Variants in RARB observed in about 807,000 individuals in gnomAD.
RARB encodes HBV-activated protein.
Under a neutral mutation model 51.9 loss-of-function variants are expected in RARB, and 17 were observed. That is an observed-to-expected ratio of 0.33 (90% CI 0.22 to 0.49). The LOEUF (loss-of-function observed/expected upper bound fraction) is 0.49. Ranked by LOEUF, RARB falls within the 20% of genes least tolerant of loss-of-function variation. The pLI is 0.99. For missense variants in RARB, 369 were observed against 550.8 expected, an observed-to-expected ratio of 0.67 and a Z score of 3.30; for synonymous variants, 215 against 195.4, an observed-to-expected ratio of 1.10 and a Z score of -0.84.
At chr3:24,899,218 C>A (rs1703544366) in intron 2 of RARB, among the ~76,000 whole-genome samples, 1 of 152,080 alleles carries the variant, frequency 6.6e-6, no homozygotes, top group Non-Finnish European at 1.5e-5. Flanking sequence ...AAGCATGGAG[C>A]CCTTTGAAGC....
At chr3:24,906,438 T>G (rs902830498) in intron 2 of RARB, among the ~76,000 whole-genome samples, 2 of 152,174 alleles carry the variant, frequency 1.3e-5, no homozygotes, top group Non-Finnish European at 2.9e-5. Context: ...AAGACCAGGA[T>G]AGTTGAGATT....
chr3:24,893,318 C>T (rs9879771), intron 2 of RARB, among the ~76,000 whole-genome samples: 29,361 of 152,124 alleles, frequency 0.19, 3,826 homozygotes, highest in African/African-American at 0.37. Flanking sequence ...ATTAAGTAAA[C>T]ATCTCAAAAT....
chr3:25,374,050 TAA>T (rs957032936), intron 5 of RARB, among the ~76,000 whole-genome samples: 42 of 152,082 alleles, frequency 2.8e-4, no homozygotes, highest in African/African-American at 9.7e-4. Context: ...CACTGACAGA[TAA>T]AGTCATGTTC....
rs5847361 is a variant in RARB at position 25,531,723 on chromosome 3, TAAA to T, written c.448+30416_448+30418del. 5.5e-3 allele frequency among the ~76,000 whole-genome samples: 739 copies of T among 134,510 alleles called. 2 individuals are homozygous for T. Among genetic ancestry groups the T allele is most frequent in the African/African-American group, 0.017 (636 of 38,068 alleles). 88.2% of individuals were successfully genotyped at this position (134,510 alleles called of 152,430 possible). Reference sequence around the variant, plus strand: ...GAACAAGAAAAAGATATAGACACTTTAAAAAAAAAAAAAAAAAAGCAGATACCA... The same window carrying T: ...GAACAAGAAAAAGATATAGACACTTTAAAAAAAAAAAAAAAGCAGATACCA... On this transcript the variant is annotated intron_variant, in intron 3 of 7. Coordinates refer to ENST00000330688, the MANE Select transcript of RARB (RefSeq NM_000965.5).
chr3:24,850,651 C>T, intron 1 of RARB, among the ~76,000 whole-genome samples: 1 of 152,156 alleles, frequency 6.6e-6, no homozygotes, highest in South Asian at 2.1e-4. Context: ...TGCTATTACT[C>T]CTGATGGGGC....
At chr3:25,183,275 C>T (rs751873329) in intron 5 of RARB, among the ~76,000 whole-genome samples, 11 of 152,002 alleles carry the variant, frequency 7.2e-5, no homozygotes, top group Non-Finnish European at 1.0e-4. Context: ...GAAGAAAGGA[C>T]TTTTTTTATT....
intron 5 of RARB, among the ~76,000 whole-genome samples, chr3:25,299,125 G>C (rs1489068436): frequency 6.6e-6 from 1 of 152,072 alleles, no homozygotes; most frequent in Non-Finnish European, 1.5e-5. Flanking sequence ...TATTAGTTTG[G>C]GGGTTTTATA....
chr3:25,496,123 T>C (rs115263887), intron 2 of RARB, among the ~76,000 whole-genome samples: 10,786 of 152,324 alleles, frequency 0.071, 549 homozygotes, highest in Middle Eastern at 0.16. Flanking sequence ...ACGGTTACTA[T>C]GGCTCTGGTT....
At chr3:25,117,838 A>T (rs546419346) in intron 3 of RARB, among the ~76,000 whole-genome samples, 1 of 152,314 alleles carries the variant, frequency 6.6e-6, no homozygotes, top group Non-Finnish European at 1.5e-5. Flanking sequence ...TGTCCAAAAA[A>T]TCTTACTAAA....
intron 5 of RARB, among the ~76,000 whole-genome samples, chr3:25,383,092 A>G (rs1182644306): frequency 6.6e-6 from 1 of 152,224 alleles, no homozygotes; most frequent in African/African-American, 2.4e-5. Context: ...CTATGCAAGT[A>G]CAAATTCCTG....
At chr3:25,015,902 A>G (rs982662574) in intron 2 of RARB, among the ~76,000 whole-genome samples, 8 of 152,084 alleles carry the variant, frequency 5.3e-5, no homozygotes. Flanking sequence ...TATCATGTTG[A>G]CCCCTCCTAC....
chr3:25,411,448 A>T (rs1021543378), intron 5 of RARB, among the ~76,000 whole-genome samples: 15 of 152,350 alleles, frequency 9.8e-5, no homozygotes, highest in Middle Eastern at 3.4e-3. Context: ...CATACAAAAA[A>T]TAGTATGTGG....
Position 25,133,963 on chromosome 3 carries a change from T to TAA in RARB, c.-280+1772_-280+1773dup, listed in dbSNP as rs548061331. On this transcript the variant is annotated intron_variant, in intron 4 of 11. Coordinates refer to the RARB transcript ENST00000383772. ...ATTTCCTGGAGAGTACTGTTTTCAT[T>TAA]AAAAAAAAAAAAAAAAAAGACATTT... Among the ~76,000 whole-genome samples the TAA allele has an allele frequency of 8.4e-3, 1,073 of 127,544 alleles. 14 individuals are homozygous for TAA. The highest frequency in any genetic ancestry group is 0.026 in the African/African-American group (919 of 34,712). 83.7% of individuals were successfully genotyped at this position (127,544 alleles called of 152,430 possible).
chr3:24,946,527 T>C (rs970221364), intron 2 of RARB, among the ~76,000 whole-genome samples: 1 of 151,972 alleles, frequency 6.6e-6, no homozygotes, highest in Non-Finnish European at 1.5e-5. Context: ...TACTATAACA[T>C]AATGTGTGCT....
At chr3:25,065,464 A>C (rs1415351155) in intron 3 of RARB, among the ~76,000 whole-genome samples, 1 of 152,196 alleles carries the variant, frequency 6.6e-6, no homozygotes, top group Non-Finnish European at 1.5e-5. Flanking sequence ...AGCACTGACT[A>C]TAGTTCTGAT....
intron 5 of RARB, among the ~76,000 whole-genome samples, chr3:25,347,660 T>C (rs1705435005): frequency 1.3e-5 from 2 of 152,180 alleles, no homozygotes; most frequent in African/African-American, 4.8e-5. Context: ...GTTTAGACAT[T>C]TTGTAAAATT....
intron 4 of RARB, among the ~76,000 whole-genome samples, chr3:25,133,711 G>C (rs780807153): frequency 6.6e-6 from 1 of 151,888 alleles, no homozygotes; most frequent in Admixed American, 6.6e-5. Context: ...GATTCAGAAA[G>C]GAGTTTCACT....
intron 5 of RARB, among the ~76,000 whole-genome samples, chr3:25,388,872 T>C (rs1430557625): frequency 6.6e-6 from 1 of 152,190 alleles, no homozygotes; most frequent in African/African-American, 2.4e-5. Flanking sequence ...CTAGAAACTG[T>C]TTTGAATGTT....
At chr3:25,228,985 C>T (rs956163641) in intron 5 of RARB, among the ~76,000 whole-genome samples, 23 of 152,106 alleles carry the variant, frequency 1.5e-4, no homozygotes, top group African/African-American at 5.6e-4. Flanking sequence ...GGAGCCAGAA[C>T]TCTACAAGGA....
Sources: gnomAD v4.1 joint callset for allele counts (sites outside exome capture counted in the v4.1 genomes callset) on GRCh38, gnomAD v4.1.1 for gene constraint, MANE v1.5 for transcripts, NCBI Gene and HGNC (gene_info 2026-07-23, HGNC 2026-07-21) for gene names.